The following SNX31 variants were observed in gnomAD, a reference collection of about 807,000 sequenced individuals.
SNX31 encodes the protein sorting nexin-31.
Under a neutral mutation model 65.4 loss-of-function variants are expected in SNX31, and 58 were observed. The ratio of observed to expected loss-of-function variants is 0.89; its 90% CI spans 0.72 to 1.10. The LOEUF is 1.10. SNX31 is among the 50% of genes least tolerant of loss of function. The probability of loss-of-function intolerance (pLI) is 0.00; values close to 1 mark genes in which losing one functional copy is unlikely to be tolerated. For missense variants in SNX31, 523 were observed against 529.7 expected (o/e 0.99, Z 0.12); for synonymous variants, 181 against 190.1 (o/e 0.95, Z 0.39).
rs1481138621 is a variant in SNX31 at position 100,649,434 on chromosome 8, C to T, written c.66+15G>A. 1.3e-6 allele frequency: 2 copies of T among 1,588,364 alleles called. No individual in the cohort carries two copies. The highest frequency in any genetic ancestry group is 1.3e-5 in the African/African-American group (1 of 74,474). On this transcript the variant is annotated intron_variant, in intron 1 of 13. Coordinates refer to ENST00000311812, the MANE Select transcript of SNX31 (RefSeq NM_152628.4). ...GCCCCCTCCCTGCCCACCCTGACCC[C>T]AGCCCTGGGCGCACCACGTAGCGGC... is the stretch of plus-strand genomic sequence containing the variant.
In SNX31 at chr8:100,614,398, G is replaced by A. The variant is rs962566390; in HGVS notation, c.433-1313C>T. Among the ~76,000 whole-genome samples the A allele has an allele frequency of 3.3e-5, 5 of 152,216 alleles. No individual in the cohort carries two copies. The highest frequency in any genetic ancestry group is 7.3e-5 in the Non-Finnish European group (5 of 68,040). ...AAAGGCATGGGGGCAAAAGGAGAATGAAGAAGCCTTTCGCATTCATAAAGA... is the reference window on the plus strand; with the variant it reads ...AAAGGCATGGGGGCAAAAGGAGAATAAAGAAGCCTTTCGCATTCATAAAGA... On this transcript the variant is annotated intron_variant, in intron 5 of 13. Transcript: ENST00000311812. The surrounding 1 kb of genome is among the most constrained non-coding windows in gnomAD (Gnocchi z 5.1).
intron 7 of SNX31, 35 bp downstream of exon 7, chr8:100,611,965 G>T: frequency 1.3e-6 from 2 of 1,547,640 alleles, no homozygotes; most frequent in African/African-American, 1.4e-5. Flanking sequence ...GCGAAGTGTC[G>T]TCAAACGCCT....
At chr8:100,599,099 T>C (rs538647476) in intron 9 of SNX31, among the ~76,000 whole-genome samples, 1 of 152,354 alleles carries the variant, frequency 6.6e-6, no homozygotes, top group African/African-American at 2.4e-5. Flanking sequence ...TGTAGATGCT[T>C]TGAGAGAAAG....
At chr8:100,608,354 T>C (rs1300545168) in intron 8 of SNX31, 140 bp downstream of exon 8, 2 of 723,444 alleles carry the variant, frequency 2.8e-6, no homozygotes, top group Non-Finnish European at 4.7e-6. Flanking sequence ...TGGTAATCTC[T>C]GTTCTACTTT....
chr8:100,608,495 T>G lies in SNX31; in HGVS notation c.680A>C (p.Gln227Pro). ...CRVAVDLLYMQAIQDIEKGWA... is the reference protein window; with the variant it reads ...CRVAVDLLYMPAIQDIEKGWA... Reference sequence around the variant, plus strand: ...GTCTGAGCTCTTGGTGACCCTCACCTGCATGTAGAGCAAATCTACCGCCAC... The same window carrying G: ...GTCTGAGCTCTTGGTGACCCTCACCGGCATGTAGAGCAAATCTACCGCCAC... Residue 227 changes from glutamine to proline, a missense_variant and splice_region_variant, in exon 8 of 14, where the codon CAG becomes CCG. Transcript: ENST00000311812. 6.2e-7 allele frequency: 1 copy of G among 1,614,030 alleles called. No individual in the cohort carries two copies. Among genetic ancestry groups the G allele is most frequent in the South Asian group, 1.1e-5 (1 of 91,078 alleles).
At chr8:100,652,479 G>A (rs1360821087), upstream of SNX31, among the ~76,000 whole-genome samples, 1 of 152,184 alleles carries the variant, frequency 6.6e-6, no homozygotes, top group Non-Finnish European at 1.5e-5. Context: ...CAGTGAGGCT[G>A]TTAGACATGG....
At chr8:100,592,713 G>C (rs1814697078) in intron 10 of SNX31, among the ~76,000 whole-genome samples, 1 of 152,128 alleles carries the variant, frequency 6.6e-6, no homozygotes, top group African/African-American at 2.4e-5. Flanking sequence ...CCAAAATATA[G>C]AAGCAACCCA....
In SNX31 at chr8:100,612,856, C is replaced by A; in HGVS notation, c.523+139G>T. 1 of 755,200 alleles carries A rather than the reference C, an allele frequency of 1.3e-6. No individual in the cohort carries two copies. Among genetic ancestry groups the A allele is most frequent in the East Asian group, 2.5e-5 (1 of 39,298 alleles). 46.8% of individuals were successfully genotyped at this position (755,200 alleles called of 1,614,324 possible). ...GGACGCAACCTCCTATTCCCTAAAC[C>A]CTTAACCCAGTGACTGAGAACAGTG... On this transcript the variant is annotated intron_variant, in intron 6 of 13. Transcript: ENST00000311812. This position sits in a 1 kb window ranked among gnomAD's most constrained non-coding sequence, Gnocchi z 4.3.
intron 10 of SNX31, among the ~76,000 whole-genome samples, chr8:100,591,406 T>C (rs113213708): frequency 0.056 from 8,374 of 150,240 alleles, 493 homozygotes; most frequent in Admixed American, 0.17. Flanking sequence ...GGAGAACGGC[T>C]TGAACCCGGG....
intron 2 of SNX31, among the ~76,000 whole-genome samples, chr8:100,647,218 CAAAG>C (rs1819701424): frequency 6.6e-6 from 1 of 151,980 alleles, no homozygotes; most frequent in Admixed American, 6.6e-5. Context: ...GGAAACTAGA[CAAAG>C]AAATTTCCAT....
intron 8 of SNX31, among the ~76,000 whole-genome samples, chr8:100,603,597 G>C (rs779582539): frequency 6.6e-6 from 1 of 151,732 alleles, no homozygotes; most frequent in African/African-American, 2.4e-5. Flanking sequence ...CACCATGCCC[G>C]GCTAATTTTT....
At chr8:100,611,251 G>T (rs1816685087) in intron 7 of SNX31, among the ~76,000 whole-genome samples, 1 of 147,144 alleles carries the variant, frequency 6.8e-6, no homozygotes, top group Admixed American at 6.7e-5. Context: ...ATCAGATCTG[G>T]TTGTAATCAT....
chr8:100,606,567 C>T (rs1226084101), intron 8 of SNX31, among the ~76,000 whole-genome samples: 1 of 152,174 alleles, frequency 6.6e-6, no homozygotes, highest in Non-Finnish European at 1.5e-5. Context: ...ACAAAATCCA[C>T]CCATTGACCT....
intron 4 of SNX31, among the ~76,000 whole-genome samples, chr8:100,620,931 A>G (rs1817638146): frequency 6.6e-6 from 1 of 152,184 alleles, no homozygotes; most frequent in African/African-American, 2.4e-5. Flanking sequence ...CAGCTTGGCC[A>G]ACATGGTGAA....
At chr8:100,661,952 G>A (rs757315468) in intron 1 of SNX31, among the ~76,000 whole-genome samples, 2 of 152,132 alleles carry the variant, frequency 1.3e-5, no homozygotes. Context: ...AGCCTCCGGA[G>A]TAGCTGGGAT....
intron 12 of SNX31, among the ~76,000 whole-genome samples, chr8:100,580,263 A>C (rs971559223): frequency 2.6e-5 from 4 of 152,166 alleles, no homozygotes; most frequent in Non-Finnish European, 5.9e-5. Flanking sequence ...TATGTAAAAT[A>C]ATAATAATGC....
chr8:100,641,658 A>G (rs1178224147), intron 2 of SNX31, among the ~76,000 whole-genome samples: 1 of 35,820 alleles, frequency 2.8e-5, no homozygotes, highest in African/African-American at 1.5e-4. Context: ...ATATATATAT[A>G]TGTATGGTAC....
At chr8:100,605,990 T>C (rs374211877) in intron 8 of SNX31, among the ~76,000 whole-genome samples, 9 of 151,964 alleles carry the variant, frequency 5.9e-5, no homozygotes, top group Non-Finnish European at 1.3e-4. Flanking sequence ...TCAATAAACA[T>C]TTAAAGTGGA....
Position 100,573,678 on chromosome 8 carries a change from T to C in SNX31, c.*187A>G, listed in dbSNP as rs77900518. 5.0e-3 allele frequency: 1,914 copies of C among 381,564 alleles called. 40 individuals carry two copies. Among genetic ancestry groups the C allele is most frequent in the African/African-American group, 0.036 (1,734 of 48,266 alleles). 23.6% of individuals were successfully genotyped at this position (381,564 alleles called of 1,614,324 possible). On this transcript the variant is annotated 3_prime_UTR_variant, in exon 14 of 14. Coordinates refer to ENST00000311812, the MANE Select transcript of SNX31 (RefSeq NM_152628.4). ...TCTATAACTTGGTTCTTTTTTTTTT[T>C]CTAATCTTGAGATTTCCATAGAGTG...
Sources: gnomAD v4.1 joint callset for allele counts (sites outside exome capture counted in the v4.1 genomes callset) on GRCh38, gnomAD v4.1.1 for gene constraint, Gnocchi (gnomAD v3.1) non-coding constraint, MANE v1.5 for transcripts, NCBI Gene and HGNC (gene_info 2026-07-23, HGNC 2026-07-21) for gene names.